FNTB: variants seen among roughly 807,000 people sequenced by gnomAD.
FNTB encodes farnesyltransferase, CAAX box, subunit beta.
In FNTB, 27 loss-of-function variants were observed where a neutral mutation model predicts 59.4. That is an observed-to-expected ratio of 0.45 (90% CI 0.34 to 0.63). FNTB has a LOEUF of 0.63. Among genes scored for constraint, FNTB ranks in the 20% least tolerant of loss-of-function variants. The pLI is 0.02. For missense variants in FNTB, 449 were observed against 559.6 expected (o/e 0.80, Z 1.99); for synonymous variants, 230 against 220.7 (o/e 1.04, Z -0.37).
chr14:65,043,771 G>A (rs922386223), intron 8 of FNTB, among the ~76,000 whole-genome samples: 42 of 136,508 alleles, frequency 3.1e-4, no homozygotes, highest in African/African-American at 1.2e-3. Flanking sequence ...GCAGTGAGCC[G>A]AGATTGCGCC....
In FNTB at chr14:64,994,171, A is replaced by G. The variant is rs1304357342; in HGVS notation, c.144+7074A>G. ...TGCCTGGCCTAGTGATTGGATTTCT[A>G]TTGATTAAATGAAAAACTCCATGAA... On this transcript the variant is annotated intron_variant, in intron 1 of 11. Transcript: ENST00000246166. This position sits in a 1 kb window ranked among gnomAD's most constrained non-coding sequence, Gnocchi z 4.2. Among the ~76,000 whole-genome samples, 2 of 152,112 alleles carry G rather than the reference A, an allele frequency of 1.3e-5. No individual in the cohort carries two copies. The highest frequency in any genetic ancestry group is 2.4e-5 in the African/African-American group (1 of 41,428).
At chr14:65,040,990 G>A in intron 8 of FNTB, 71 bp downstream of exon 8, 1 of 1,573,042 alleles carries the variant, frequency 6.4e-7, no homozygotes, top group African/African-American at 1.4e-5. Context: ...CAGACATGCA[G>A]GCTTCAGGAG....
intron 9 of FNTB, among the ~76,000 whole-genome samples, chr14:65,050,955 G>A (rs1029444048): frequency 1.3e-5 from 2 of 152,220 alleles, no homozygotes; most frequent in African/African-American, 4.8e-5. Context: ...AGTAAAAGAA[G>A]ATAGAGTGAA....
At chr14:65,056,825 T>C (rs1033526651) in intron 11 of FNTB, among the ~76,000 whole-genome samples, 2 of 152,236 alleles carry the variant, frequency 1.3e-5, no homozygotes, top group African/African-American at 4.8e-5. Flanking sequence ...TATAAGAGAA[T>C]ACCTGAGACT....
chr14:65,022,168 G>C (rs1210732359), intron 4 of FNTB: 9 of 427,666 alleles, frequency 2.1e-5, no homozygotes, highest in Non-Finnish European at 3.8e-5. Flanking sequence ...GTTTTAGTTA[G>C]TACGAGAACA....
intron 4 of FNTB, among the ~76,000 whole-genome samples, chr14:65,024,899 A>G (rs1259246473): frequency 6.6e-6 from 1 of 152,168 alleles, no homozygotes; most frequent in East Asian, 1.9e-4. Flanking sequence ...AATTACAGGC[A>G]CAAGCCACTA....
chr14:65,044,596 A>T lies in FNTB; in HGVS notation c.955+153A>T. On this transcript the variant is annotated intron_variant, in intron 9 of 11. Transcript: ENST00000246166. The surrounding 1 kb of genome is among the most constrained non-coding windows in gnomAD (Gnocchi z 5.5). Reference sequence around the variant, plus strand: ...AGTGTGGAACCTCATGCCGTGGGGCATGCGAATGCAGAGTAAGATTTAGTT... The same window carrying T: ...AGTGTGGAACCTCATGCCGTGGGGCTTGCGAATGCAGAGTAAGATTTAGTT... 9.0e-7 allele frequency: 1 copy of T among 1,115,980 alleles called. No individual in the cohort carries two copies. The highest frequency in any genetic ancestry group is 1.2e-6 in the Non-Finnish European group (1 of 821,244). 69.1% of individuals were successfully genotyped at this position (1,115,980 alleles called of 1,614,324 possible). A position where few individuals can be genotyped will look rare whatever the true frequency, so the allele number is the denominator to read the frequency against.
In FNTB at chr14:65,030,474, C is replaced by T. The variant is rs1372256523; in HGVS notation, c.606-2136C>T. ...AAACCAGGGCCGAGCGGCAGTGGCT[C>T]ATGTCTGTAATCTCAACACTTTGAG... On this transcript the variant is annotated intron_variant, in intron 6 of 11. Coordinates refer to ENST00000246166, the MANE Select transcript of FNTB (RefSeq NM_002028.4). The surrounding 1 kb of genome is among the most constrained non-coding windows in gnomAD (Gnocchi z 4.5). Among the ~76,000 whole-genome samples, 1 of 152,166 alleles carries T rather than the reference C, an allele frequency of 6.6e-6. No individual in the cohort carries two copies. Among genetic ancestry groups the T allele is most frequent in the Non-Finnish European group, 1.5e-5 (1 of 68,018 alleles).
At chr14:65,008,590 A>G (rs1056382401) in intron 2 of FNTB, among the ~76,000 whole-genome samples, 3 of 152,256 alleles carry the variant, frequency 2.0e-5, no homozygotes, top group Non-Finnish European at 4.4e-5. Context: ...ACAGAAAGTG[A>G]CATTTAAGCT....
At position 65,031,600 on chromosome 14, in the gene FNTB, G is replaced by A. The variant is rs1170456356; in HGVS notation, c.606-1010G>A. Among the ~76,000 whole-genome samples the A allele has an allele frequency of 6.6e-6, 1 of 152,014 alleles. No individual in the cohort carries two copies. The highest frequency in any genetic ancestry group is 2.4e-5 in the African/African-American group (1 of 41,424). On this transcript the variant is annotated intron_variant, in intron 6 of 11. Coordinates refer to ENST00000246166, the MANE Select transcript of FNTB (RefSeq NM_002028.4). This position sits in a 1 kb window ranked among gnomAD's most constrained non-coding sequence, Gnocchi z 4.6. ...CAAAGTGCTGGGATTACAGGCATGAGCAACTGTGCCCAGCCTAATAATGCT... is the reference window on the plus strand; with the variant it reads ...CAAAGTGCTGGGATTACAGGCATGAACAACTGTGCCCAGCCTAATAATGCT...
intron 8 of FNTB, among the ~76,000 whole-genome samples, chr14:65,042,574 C>T (rs540025638): frequency 1.3e-5 from 2 of 152,312 alleles, no homozygotes; most frequent in East Asian, 3.9e-4. Flanking sequence ...GGCTCACCCA[C>T]CACTCATGTC....
intron 4 of FNTB, among the ~76,000 whole-genome samples, chr14:65,024,732 G>A (rs945925811): frequency 6.6e-6 from 1 of 152,008 alleles, no homozygotes; most frequent in African/African-American, 2.4e-5. Flanking sequence ...TTTATTTATT[G>A]GTGAACTTCT....
At chr14:65,041,796 C>G (rs2062360116) in intron 8 of FNTB, among the ~76,000 whole-genome samples, 2 of 152,138 alleles carry the variant, frequency 1.3e-5, no homozygotes, top group African/African-American at 4.8e-5. Flanking sequence ...ACTTTGTATG[C>G]TGAACTTAAG....
intron 4 of FNTB, among the ~76,000 whole-genome samples, chr14:65,021,366 T>A (rs1346983391): frequency 6.6e-6 from 1 of 152,260 alleles, no homozygotes; most frequent in Non-Finnish European, 1.5e-5. Flanking sequence ...TTCAGTGTTT[T>A]ATCCTTTCCC....
chr14:65,050,602 C>CA (rs2062585294), intron 9 of FNTB, among the ~76,000 whole-genome samples: 1 of 152,158 alleles, frequency 6.6e-6, no homozygotes, highest in African/African-American at 2.4e-5. Flanking sequence ...ACAACAACAA[C>CA]AAAAAGGTGC....
At chr14:64,993,276 A>C (rs563075672) in intron 1 of FNTB, among the ~76,000 whole-genome samples, 3 of 152,342 alleles carry the variant, frequency 2.0e-5, no homozygotes, top group Non-Finnish European at 4.4e-5. Flanking sequence ...AAAAGTAAAA[A>C]ATGAATAAAC....
chr14:64,987,637 C>A, intron 1 of FNTB: 1 of 158,526 alleles, frequency 6.3e-6, no homozygotes, highest in Admixed American at 6.0e-5. Context: ...GTGTCGGACA[C>A]AATATTAAAC....
At position 65,040,766 on chromosome 14, in the gene FNTB, C is replaced by G. The variant is rs761322343; in HGVS notation, c.693-24C>G. On this transcript the variant is annotated intron_variant, in intron 7 of 11. Transcript: ENST00000246166. ...TACGTCCACTCACTGGCCACTCATT[C>G]TGCTTTTCTCAATCTCTTCTTAGGT... 2.5e-6 allele frequency: 4 copies of G among 1,607,912 alleles called. No homozygotes were observed. The African/African-American group carries it at 4.0e-5, about 16-fold the overall frequency.
intron 9 of FNTB, among the ~76,000 whole-genome samples, chr14:65,049,172 CA>C (rs2062553907): frequency 1.3e-5 from 2 of 149,932 alleles, no homozygotes; most frequent in Non-Finnish European, 3.0e-5. Flanking sequence ...CTGACTAAAT[CA>C]GTGAGTTACT....
Sources: gnomAD v4.1 joint callset for allele counts (sites outside exome capture counted in the v4.1 genomes callset) on GRCh38, gnomAD v4.1.1 for gene constraint, Gnocchi (gnomAD v3.1) non-coding constraint, MANE v1.5 for transcripts, NCBI Gene and HGNC (gene_info 2026-07-23, HGNC 2026-07-21) for gene names.